The following FYCO1 variants were observed in gnomAD, a reference collection of about 807,000 sequenced individuals.
FYCO1 encodes the protein FYVE and coiled-coil domain autophagy adaptor 1.
A neutral mutation model predicts 165.1 loss-of-function variants in FYCO1; 122 were observed. The observed-to-expected ratio is 0.74, with a 90% confidence interval of 0.64 to 0.86. The LOEUF (loss-of-function observed/expected upper bound fraction) is 0.86, where lower values mean the gene tolerates loss of function less well. Ranked by LOEUF, FYCO1 falls within the 40% of genes least tolerant of loss-of-function variation. The pLI is 0.00. For missense variants in FYCO1, 1,702 were observed against 1,810.3 expected, an observed-to-expected ratio of 0.94 and a Z score of 1.09; for synonymous variants, 648 against 742.5, an observed-to-expected ratio of 0.87 and a Z score of 2.07.
intron 14 of FYCO1, chr3:45,945,438 T>G (rs1704524755): frequency 6.6e-6 from 1 of 152,248 alleles, no homozygotes; most frequent in African/African-American, 2.4e-5. Context: ...TCCCTTGTCC[T>G]GTCCATGGTC....
chr3:45,981,505 G>T (rs1340961866), intron 3 of FYCO1, 65 bp downstream of exon 3: 1 of 1,014,818 alleles, frequency 9.9e-7, no homozygotes, highest in East Asian at 2.4e-5. Context: ...GAATGCTGAT[G>T]AGTCACCCAA....
chr3:45,947,098 C>T, intron 14 of FYCO1: 1 of 1,614,256 alleles, frequency 6.2e-7, no homozygotes, highest in South Asian at 1.1e-5. Context: ...CCACTGCTCA[C>T]CATGATTGTC....
chr3:45,926,944 A>G (rs1382202133), intron 16 of FYCO1, among the ~76,000 whole-genome samples: 3 of 145,776 alleles, frequency 2.1e-5, no homozygotes, highest in African/African-American at 7.7e-5. Context: ...AGCCTGGGCA[A>G]CAAGAGTGAA....
chr3:45,969,522 C>T (rs577624369), intron 7 of FYCO1, among the ~76,000 whole-genome samples, 153 bp downstream of exon 7: 10 of 152,264 alleles, frequency 6.6e-5, no homozygotes, highest in Admixed American at 6.5e-4. Flanking sequence ...GTTGAAAAAC[C>T]CAGACTCCCG....
In FYCO1 at chr3:45,921,735, G is replaced by GGATGAAGT. The variant is rs1703101269; in HGVS notation, c.*22_*29dup. The GGATGAAGT allele has an allele frequency of 8.5e-6, 12 of 1,410,678 alleles. No individual in the cohort carries two copies. Among genetic ancestry groups the GGATGAAGT allele is most frequent in the Middle Eastern group, 1.8e-4 (1 of 5,692 alleles). 87.4% of individuals were successfully genotyped at this position (1,410,678 alleles called of 1,614,324 possible). A position where few individuals can be genotyped will look rare whatever the true frequency, so the allele number is the denominator to read the frequency against. ...GGTGAGGAAGAGCAGTGTTTCCTGT[G>GGATGAAGT]GATGAAGTGAAGTTACTGAGGTGCT... is the stretch of plus-strand genomic sequence containing the variant. On this transcript the variant is annotated 3_prime_UTR_variant, in exon 18 of 18. Coordinates refer to ENST00000296137, the MANE Select transcript of FYCO1 (RefSeq NM_024513.4).
chr3:45,944,789 C>G (rs773230537), intron 14 of FYCO1, among the ~76,000 whole-genome samples: 1 of 152,078 alleles, frequency 6.6e-6, no homozygotes, highest in Non-Finnish European at 1.5e-5. Context: ...CAAAAAAAGG[C>G]GAGAGCGAGT....
In FYCO1 at chr3:45,970,162, C is replaced by T. The variant is rs75726990; in HGVS notation, c.540-397G>A. Reference sequence around the variant, plus strand: ...CTGCCCGCTCTGTATGACACAGCAACAGTGTGGCTGGGAGGCCTGCTTCTA... The same window carrying T: ...CTGCCCGCTCTGTATGACACAGCAATAGTGTGGCTGGGAGGCCTGCTTCTA... On this transcript the variant is annotated intron_variant, in intron 6 of 17. Transcript: ENST00000296137. Among the ~76,000 whole-genome samples the T allele has an allele frequency of 4.9e-3, 739 of 152,354 alleles. 10 individuals carry two copies. Among genetic ancestry groups the T allele is most frequent in the African/African-American group, 0.013 (527 of 41,572 alleles).
Position 45,964,962 on chromosome 3 carries a change from C to A in FYCO1, c.3150+71G>T. ...GGGAATCTGGAGGCATGCAGGGAGC[C>A]CTCTTAAATGGTCCAGTCAAAACCA... On this transcript the variant is annotated intron_variant, in intron 9 of 17. Transcript: ENST00000296137. This position sits in a 1 kb window ranked among gnomAD's most constrained non-coding sequence, Gnocchi z 4.1. 1.6e-6 allele frequency: 2 copies of A among 1,215,386 alleles called. No individual in the cohort carries two copies. The highest frequency in any genetic ancestry group is 1.8e-5 in the Admixed American group (1 of 56,472). The allele number at this position is 1,215,386 out of a possible 1,614,324, so 75.3% of individuals were successfully genotyped here.
intron 6 of FYCO1, among the ~76,000 whole-genome samples, chr3:45,972,411 T>C (rs916706658): frequency 1.3e-5 from 2 of 152,210 alleles, no homozygotes; most frequent in African/African-American, 4.8e-5. Flanking sequence ...ATAAAAAATA[T>C]GAATGTTAAA....
chr3:45,958,854 G>T (rs1004515406), intron 12 of FYCO1, among the ~76,000 whole-genome samples: 1 of 152,200 alleles, frequency 6.6e-6, no homozygotes, highest in South Asian at 2.1e-4. Flanking sequence ...ACAAAGTGTG[G>T]CTGAGCCCAC....
Position 45,966,722 on chromosome 3 carries a change from C to G in FYCO1, c.2612G>C (p.Arg871Pro), listed in dbSNP as rs113517878. The change falls in exon 8 of 18, where the codon CGG (arginine) becomes CCG (proline). Residue 871 changes from arginine (R) to proline (P), a missense_variant. By Grantham distance (103) the Arg-to-Pro change is moderately radical. Coordinates refer to ENST00000296137, the MANE Select transcript of FYCO1 (RefSeq NM_024513.4). The part of the protein sequence containing the change: ...DEAQQREEEL[R>P]ALQEELSQAK... ...CTGGGACAGCTCCTCCTGCAGGGCC[C>G]GCAGCTCCTCCTCCCTCTGCTGGGC... 6.2e-7 allele frequency: 1 copy of G among 1,612,478 alleles called. No individual in the cohort carries two copies. The highest frequency in any genetic ancestry group is 1.1e-5 in the South Asian group (1 of 91,064).
rs1224873651 is a variant in FYCO1 at position 45,921,687 on chromosome 3, T to C, written c.*78A>G. The C allele has an allele frequency of 3.8e-6, 4 of 1,050,198 alleles. No individual in the cohort carries two copies. In the Admixed American group the frequency reaches 5.1e-5, roughly 13 times the overall value. 65.1% of individuals were successfully genotyped at this position (1,050,198 alleles called of 1,614,324 possible). A position where few individuals can be genotyped will look rare whatever the true frequency, so the allele number is the denominator to read the frequency against. On this transcript the variant is annotated 3_prime_UTR_variant, in exon 18 of 18. Transcript: ENST00000296137. ...TGATGATTTTGGAGCAGCTGACTTT[T>C]TAAAAAAATGCTTTATGTGACAGGT...
chr3:45,973,631 C>T (rs1188125368), intron 5 of FYCO1, among the ~76,000 whole-genome samples: 1 of 152,120 alleles, frequency 6.6e-6, no homozygotes. Context: ...TGTCCAGATA[C>T]CAATTTAAAA....
chr3:45,988,475 G>A (rs986183790), intron 1 of FYCO1, among the ~76,000 whole-genome samples: 1 of 152,138 alleles, frequency 6.6e-6, no homozygotes, highest in Non-Finnish European at 1.5e-5. Flanking sequence ...TAACTCAGGA[G>A]ACACTCAAAG....
At chr3:45,937,036 C>A (rs1703932641) in intron 14 of FYCO1, among the ~76,000 whole-genome samples, 1 of 152,074 alleles carries the variant, frequency 6.6e-6, no homozygotes, top group Non-Finnish European at 1.5e-5. Flanking sequence ...AATTGAAGTC[C>A]CTGCACTTCA....
At chr3:45,981,040 G>T (rs1166080450) in intron 3 of FYCO1, among the ~76,000 whole-genome samples, 4 of 152,158 alleles carry the variant, frequency 2.6e-5, no homozygotes, top group Non-Finnish European at 5.9e-5. Context: ...AGGTTGGGGT[G>T]GGAGCCAAGA....
Position 45,966,886 on chromosome 3 carries a change from A to G in FYCO1, c.2448T>C (p.Ala816=), listed in dbSNP as rs1385056876. 1 of 1,613,388 alleles carries G rather than the reference A, an allele frequency of 6.2e-7. No individual in the cohort carries two copies. The highest frequency in any genetic ancestry group is 1.3e-5 in the African/African-American group (1 of 74,934). ...QDKVQSQLSM[A]EAVLREHKTL... is the part of the protein sequence containing the mutation. ...TTTTGTGCTCCCTCAGGACGGCCTC[A>G]GCCATGCTTAGCTGGCTCTGCACCT... The change falls in exon 8 of 18, where the codon GCT becomes GCC. Residue 816 remains alanine, a synonymous_variant. Transcript: ENST00000296137.
chr3:45,965,961 T>C (rs1481828813), intron 8 of FYCO1, among the ~76,000 whole-genome samples: 1 of 152,230 alleles, frequency 6.6e-6, no homozygotes, highest in African/African-American at 2.4e-5. Flanking sequence ...CAAACTATAT[T>C]TGTAAACACC....
chr3:45,934,127 C>G (rs1703768992), intron 15 of FYCO1, among the ~76,000 whole-genome samples: 1 of 152,142 alleles, frequency 6.6e-6, no homozygotes, highest in South Asian at 2.1e-4. Context: ...GGAAAAAGAA[C>G]AGAGCCTGAG....
Sources: allele counts gnomAD v4.1 joint callset (sites outside exome capture counted in the v4.1 genomes callset), GRCh38; gene constraint gnomAD v4.1.1; non-coding constraint Gnocchi (gnomAD v3.1); transcripts MANE v1.5; gene names NCBI Gene and HGNC (gene_info 2026-07-23, HGNC 2026-07-21).